Variants in LPP observed in about 807,000 individuals in gnomAD.
The protein encoded by LPP is lipoma-preferred partner.
In LPP, 38 loss-of-function variants were observed where a neutral mutation model predicts 60.4. That is an observed-to-expected ratio of 0.63 (90% confidence interval 0.49 to 0.83). The LOEUF is 0.83. Among genes scored for constraint, LPP ranks in the 40% least tolerant of loss-of-function variants. The pLI, the probability that LPP is intolerant of heterozygous loss-of-function variation, is 0.00. For missense variants in LPP, 902 were observed against 783.6 expected, an observed-to-expected ratio of 1.15 and a Z score of -1.80; for synonymous variants, 328 against 290.8, an observed-to-expected ratio of 1.13 and a Z score of -1.30.
intron 3 of LPP, among the ~76,000 whole-genome samples, chr3:188,348,935 G>A (rs1421875776): frequency 6.6e-6 from 1 of 152,182 alleles, no homozygotes; most frequent in Admixed American, 6.5e-5. Flanking sequence ...ATGGAAGACT[G>A]GGTTGAAGGG....
chr3:188,303,179 G>T (rs1184452176), intron 2 of LPP, among the ~76,000 whole-genome samples: 5 of 152,134 alleles, frequency 3.3e-5, no homozygotes, highest in African/African-American at 1.2e-4. Flanking sequence ...TACTCACTCT[G>T]CTCTTAGATA....
intron 4 of LPP, among the ~76,000 whole-genome samples, chr3:188,464,624 G>A (rs116327155): frequency 0.015 from 2,322 of 152,204 alleles, 51 homozygotes; most frequent in African/African-American, 0.052. Context: ...CAGATATCAC[G>A]TTTTAAAGTG....
chr3:188,411,979 C>G (rs1578701571), intron 4 of LPP, among the ~76,000 whole-genome samples: 1 of 149,256 alleles, frequency 6.7e-6, no homozygotes, highest in African/African-American at 2.4e-5. Context: ...CTCTGTCTCT[C>G]TCTCTCTCTC....
chr3:188,675,247 C>A (rs7634330), intron 7 of LPP, among the ~76,000 whole-genome samples: 6 of 151,908 alleles, frequency 3.9e-5, no homozygotes, highest in Non-Finnish European at 7.4e-5. Context: ...CCAGTGTGGG[C>A]TAGGGTATAC....
chr3:188,737,013 A>G (rs193073446), intron 8 of LPP, among the ~76,000 whole-genome samples: 62 of 152,222 alleles, frequency 4.1e-4, no homozygotes, highest in African/African-American at 1.4e-3. Context: ...TGCCAAATTT[A>G]TATAAAAAAA....
intron 9 of LPP, among the ~76,000 whole-genome samples, chr3:188,865,271 C>T (rs1766300548): frequency 1.3e-5 from 2 of 152,158 alleles, no homozygotes; most frequent in Admixed American, 1.3e-4. Context: ...TTAAGGGGTG[C>T]TATATATTTT....
chr3:188,406,907 A>G (rs1783625270), intron 4 of LPP, among the ~76,000 whole-genome samples: 1 of 152,088 alleles, frequency 6.6e-6, no homozygotes, highest in Non-Finnish European at 1.5e-5. Context: ...AGTTTACATC[A>G]AGTAGAGTTT....
At chr3:188,349,685 C>T (rs1283080081) in intron 3 of LPP, among the ~76,000 whole-genome samples, 1 of 152,136 alleles carries the variant, frequency 6.6e-6, no homozygotes, top group Non-Finnish European at 1.5e-5. Context: ...GTTCAGTGGG[C>T]CTGCCCCATG....
At position 188,217,662 on chromosome 3, in the gene LPP, A is replaced by C. The variant is rs576463044; in HGVS notation, c.-189-7743A>C. Among the ~76,000 whole-genome samples the C allele has an allele frequency of 1.6e-4, 25 of 152,224 alleles. No homozygotes were observed. The highest frequency in any genetic ancestry group is 5.5e-4 in the African/African-American group (23 of 41,544). On this transcript the variant is annotated intron_variant, in intron 1 of 11. Coordinates refer to ENST00000617246, the MANE Select transcript of LPP (RefSeq NM_001375462.1). This position sits in a 1 kb window ranked among gnomAD's most constrained non-coding sequence, Gnocchi z 4.0. ...GATCGTCTATAGGATCTCAAGTGTG[A>C]TTTCCTTCAGAGAAATGCTGAGCTA...
chr3:188,841,166 C>A (rs1301117450), intron 9 of LPP, among the ~76,000 whole-genome samples: 2 of 152,060 alleles, frequency 1.3e-5, no homozygotes, highest in African/African-American at 4.8e-5. Context: ...TTTTCATCAG[C>A]CACGTGGAAG....
chr3:188,444,644 T>G (rs187975059), intron 4 of LPP, among the ~76,000 whole-genome samples: 2 of 152,174 alleles, frequency 1.3e-5, no homozygotes, highest in African/African-American at 4.8e-5. Flanking sequence ...GGGATCTAAT[T>G]AAACTAAAGA....
chr3:188,865,703 G>T (rs1021952017), intron 9 of LPP, among the ~76,000 whole-genome samples: 1 of 151,926 alleles, frequency 6.6e-6, no homozygotes, highest in African/African-American at 2.4e-5. Flanking sequence ...TGTAAATAAA[G>T]TATTACTGGA....
intron 9 of LPP, among the ~76,000 whole-genome samples, chr3:188,801,141 G>T (rs759066197): frequency 1.3e-5 from 2 of 152,044 alleles, no homozygotes; most frequent in African/African-American, 4.8e-5. Flanking sequence ...AAAGGTTCCC[G>T]GGGCTAAACG....
intron 2 of LPP, among the ~76,000 whole-genome samples, chr3:188,298,564 C>T (rs146827901): frequency 5.9e-5 from 9 of 152,262 alleles, no homozygotes; most frequent in East Asian, 1.9e-4. Flanking sequence ...TCTCGTGAGG[C>T]GCTTCTCATG....
intron 4 of LPP, among the ~76,000 whole-genome samples, chr3:188,421,955 T>G (rs1271217624): frequency 2.0e-5 from 3 of 152,208 alleles, no homozygotes; most frequent in African/African-American, 4.8e-5. Context: ...GATAATTGTT[T>G]GTGAAACTAG....
At chr3:188,810,607 A>T (rs1324329895) in intron 9 of LPP, among the ~76,000 whole-genome samples, 1 of 152,174 alleles carries the variant, frequency 6.6e-6, no homozygotes, top group Non-Finnish European at 1.5e-5. Context: ...TATCATAAGT[A>T]TGTATGTATA....
At chr3:188,872,469 A>C (rs572220503) in intron 10 of LPP, among the ~76,000 whole-genome samples, 174 bp from the exon 11 acceptor site, 1 of 152,278 alleles carries the variant, frequency 6.6e-6, no homozygotes, top group African/African-American at 2.4e-5. Context: ...AAATATCACA[A>C]TATTTACCAC....
chr3:188,448,441 T>G (rs75836263), intron 4 of LPP, among the ~76,000 whole-genome samples: 1 of 151,550 alleles, frequency 6.6e-6, no homozygotes, highest in East Asian at 1.9e-4. Context: ...TATCTATATT[T>G]AGATATCTAT....
chr3:188,432,506 C>T (rs1791161051), intron 4 of LPP, among the ~76,000 whole-genome samples: 1 of 151,802 alleles, frequency 6.6e-6, no homozygotes, highest in South Asian at 2.1e-4. Flanking sequence ...AGGGTGGATT[C>T]AGAGAGGTCT....
Sources: allele counts gnomAD v4.1 joint callset (sites outside exome capture counted in the v4.1 genomes callset), GRCh38; gene constraint gnomAD v4.1.1; non-coding constraint Gnocchi (gnomAD v3.1); transcripts MANE v1.5; gene names NCBI Gene and HGNC (gene_info 2026-07-23, HGNC 2026-07-21).